The following ESRRG variants were observed in gnomAD, a reference collection of about 807,000 sequenced individuals.
The protein encoded by ESRRG is estrogen-related receptor gamma.
Under a neutral mutation model 44.0 loss-of-function variants are expected in ESRRG, and 13 were observed. The ratio of observed to expected loss-of-function variants is 0.30; its 90% CI spans 0.19 to 0.47. ESRRG has a LOEUF of 0.47. ESRRG is among the 20% of genes least tolerant of loss of function. The pLI is 1.00. For missense variants in ESRRG, 395 were observed against 580.6 expected (o/e 0.68, Z 3.29); for synonymous variants, 215 against 214.6 (o/e 1.00, Z -0.02).
intron 2 of ESRRG, among the ~76,000 whole-genome samples, chr1:216,919,125 G>A (rs2061529140): frequency 6.6e-6 from 1 of 151,984 alleles, no homozygotes; most frequent in African/African-American, 2.4e-5. Flanking sequence ...CAGAGTAAAA[G>A]TACTTATATC....
chr1:216,934,401 T>C (rs897092902), intron 2 of ESRRG, among the ~76,000 whole-genome samples: 1 of 152,088 alleles, frequency 6.6e-6, no homozygotes, highest in Non-Finnish European at 1.5e-5. Context: ...TCCACTCCTC[T>C]CCAGCTTAGG....
intron 2 of ESRRG, among the ~76,000 whole-genome samples, chr1:216,809,378 T>TA (rs2094901032): frequency 6.7e-6 from 1 of 148,580 alleles, no homozygotes. Context: ...TTGTCATCAT[T>TA]AAAAATGGAA....
rs74141736 is a variant in ESRRG at position 217,051,274 on chromosome 1, T to C, written c.-106+38233A>G. On this transcript the variant is annotated intron_variant, in intron 1 of 7. Coordinates refer to the ESRRG transcript ENST00000359162. Reference sequence around the variant, plus strand: ...GGCTTGAACCTAAGAGGGTTTCCCTTTAGGTATTATCCTGAAGAAAGCTCC... The same window carrying C: ...GGCTTGAACCTAAGAGGGTTTCCCTCTAGGTATTATCCTGAAGAAAGCTCC... 2.1e-3 allele frequency among the ~76,000 whole-genome samples: 311 copies of C among 150,218 alleles called. 2 individuals are homozygous for C. Among genetic ancestry groups the C allele is most frequent in the African/African-American group, 7.3e-3 (300 of 40,836 alleles).
At chr1:216,939,582 CTT>C (rs2064868517) in exon 2 of ESRRG, 1 of 151,880 alleles carries the variant, frequency 6.6e-6, no homozygotes, top group African/African-American at 2.4e-5. Context: ...AGCAGCTTAC[CTT>C]TCAAACTGCG....
rs77279112 is a variant in ESRRG, at chr1:216,805,976, C to T, written c.-13-128485G>A. 2.0e-3 allele frequency among the ~76,000 whole-genome samples: 310 copies of T among 152,296 alleles called. 5 individuals are homozygous for T. Among genetic ancestry groups the T allele is most frequent in the African/African-American group, 7.2e-3 (300 of 41,588 alleles). ...CGTGGTTAGCTGGGAAACAGCATTT[C>T]TTCAGAGCCATCCTTTCTTTCCTCT... On this transcript the variant is annotated intron_variant, in intron 2 of 7. Coordinates refer to the ESRRG transcript ENST00000359162.
chr1:217,018,211 C>T (rs773702825), intron 1 of ESRRG, among the ~76,000 whole-genome samples: 1 of 146,982 alleles, frequency 6.8e-6, no homozygotes, highest in East Asian at 2.0e-4. Context: ...AATACCTCAA[C>T]TGTTTTTTTT....
At chr1:217,085,641 C>T (rs1042626724) in intron 1 of ESRRG, among the ~76,000 whole-genome samples, 1 of 151,704 alleles carries the variant, frequency 6.6e-6, no homozygotes, top group Non-Finnish European at 1.5e-5. Context: ...CAGGTGCGCA[C>T]CACCACACCC....
intron 2 of ESRRG, among the ~76,000 whole-genome samples, chr1:216,672,875 TAAG>T (rs71688843): frequency 0.21 from 31,820 of 151,860 alleles, 4,170 homozygotes; most frequent in Non-Finnish European, 0.3. Flanking sequence ...TCAAAAATAA[TAAG>T]AAGATATATT....
chr1:216,553,288 T>A (rs2056829333), intron 5 of ESRRG, among the ~76,000 whole-genome samples: 1 of 152,114 alleles, frequency 6.6e-6, no homozygotes, highest in Non-Finnish European at 1.5e-5. Flanking sequence ...CTAATGTAGG[T>A]TAAGCAGGTG....
intron 1 of ESRRG, among the ~76,000 whole-genome samples, chr1:217,123,041 C>T (rs2092842237): frequency 6.6e-6 from 1 of 152,016 alleles, no homozygotes; most frequent in South Asian, 2.1e-4. Context: ...ATATATATTT[C>T]GTTGTTGAGA....
chr1:216,763,675 C>A (rs2092921780), intron 2 of ESRRG, among the ~76,000 whole-genome samples: 1 of 152,064 alleles, frequency 6.6e-6, no homozygotes, highest in Non-Finnish European at 1.5e-5. Flanking sequence ...AAATTTACTG[C>A]AACATTAAGT....
At position 216,649,513 on chromosome 1, in the gene ESRRG, C is replaced by T. The variant is rs1377493457; in HGVS notation, c.589+1460G>A. 5.3e-5 allele frequency among the ~76,000 whole-genome samples: 8 copies of T among 151,416 alleles called. 1 individual carries two copies. The East Asian group carries it at 1.2e-3, about 22-fold the overall frequency. ...CTATATACATATATATATACATATA[C>T]ACACACACACACTCTCATACATACA... On this transcript the variant is annotated intron_variant, in intron 3 of 6. Transcript: ENST00000408911.
intron 1 of ESRRG, among the ~76,000 whole-genome samples, chr1:216,958,793 A>G (rs1000239075): frequency 2.6e-5 from 4 of 151,968 alleles, no homozygotes. Flanking sequence ...TAGACTCTTC[A>G]TTATCCTGGT....
chr1:216,753,619 T>C (rs2092244893), intron 2 of ESRRG, among the ~76,000 whole-genome samples: 1 of 152,112 alleles, frequency 6.6e-6, no homozygotes, highest in Admixed American at 6.6e-5. Context: ...TTCCACATAT[T>C]TTATAATAGT....
At chr1:216,592,610 C>T (rs1291967299) in intron 3 of ESRRG, among the ~76,000 whole-genome samples, 1 of 152,090 alleles carries the variant, frequency 6.6e-6, no homozygotes, top group Admixed American at 6.5e-5. Flanking sequence ...AAGCGATTCT[C>T]CTGCCTCAGC....
At chr1:216,779,176 A>T (rs1338957682) in intron 2 of ESRRG, among the ~76,000 whole-genome samples, 1 of 44,464 alleles carries the variant, frequency 2.2e-5, no homozygotes, top group Non-Finnish European at 5.1e-5. Context: ...TATATATATA[A>T]TTATATAAAT....
At chr1:216,518,261 A>G (rs935394083) in intron 6 of ESRRG, among the ~76,000 whole-genome samples, 1 of 152,150 alleles carries the variant, frequency 6.6e-6, no homozygotes, top group African/African-American at 2.4e-5. Flanking sequence ...CCGTCCGCCC[A>G]TTCAAGCCAC....
Position 216,677,100 on chromosome 1 carries a change from C to T in ESRRG, c.448G>A (p.Ala150Thr). ...CCTTGAATTGTCCTCTTGAAGAATG[C>T]CTTGCAGGCTTCACATGATGCTACC... ...YGVASCEACK[A>T]FFKRTIQGNI... is the part of the protein sequence containing the mutation. Residue 150 changes from alanine (A) to threonine (T), a missense_variant, in exon 2 of 7, where the codon GCA becomes ACA. Ala to Thr is a moderately conservative substitution (Grantham distance 58). Coordinates refer to ENST00000408911, the MANE Select transcript of ESRRG (RefSeq NM_001438.4). 1 of 1,614,018 alleles carries T rather than the reference C, an allele frequency of 6.2e-7. No individual in the cohort carries two copies. Among genetic ancestry groups the T allele is most frequent in the Non-Finnish European group, 8.5e-7 (1 of 1,179,898 alleles).
At chr1:216,966,804 C>G (rs1248954075) in intron 1 of ESRRG, among the ~76,000 whole-genome samples, 1 of 152,086 alleles carries the variant, frequency 6.6e-6, no homozygotes, top group East Asian at 1.9e-4. Flanking sequence ...CACTATAAAC[C>G]AATGGCCTTC....
Sources: allele counts gnomAD v4.1 joint callset (sites outside exome capture counted in the v4.1 genomes callset), GRCh38; gene constraint gnomAD v4.1.1; transcripts MANE v1.5; gene names NCBI Gene and HGNC (gene_info 2026-07-23, HGNC 2026-07-21).